RABGAP1L: variants seen among roughly 807,000 people sequenced by gnomAD.
The protein encoded by RABGAP1L is rab GTPase-activating protein 1-like.
Under a neutral mutation model 137.7 loss-of-function variants are expected in RABGAP1L, and 63 were observed. That is an observed-to-expected ratio of 0.46 (90% CI 0.37 to 0.56). The LOEUF (loss-of-function observed/expected upper bound fraction) is 0.56, where lower values mean the gene tolerates loss of function less well. Ranked by LOEUF, RABGAP1L falls within the 20% of genes least tolerant of loss-of-function variation. The probability of loss-of-function intolerance (pLI) is 0.00; values close to 1 mark genes in which losing one functional copy is unlikely to be tolerated. For synonymous variants in RABGAP1L, 431 were observed against 433.7 expected, an observed-to-expected ratio of 0.99 and a Z score of 0.08; for missense variants, 1,095 against 1,244.0, an observed-to-expected ratio of 0.88 and a Z score of 1.80.
intron 1 of RABGAP1L, among the ~76,000 whole-genome samples, chr1:174,214,092 C>T (rs981695325): frequency 6.6e-6 from 1 of 152,072 alleles, no homozygotes; most frequent in Non-Finnish European, 1.5e-5. Context: ...TTTGGAAAAA[C>T]CTAAAGACTC....
At chr1:174,573,604 A>G (rs1668153515) in intron 13 of RABGAP1L, among the ~76,000 whole-genome samples, 1 of 152,104 alleles carries the variant, frequency 6.6e-6, no homozygotes, top group Non-Finnish European at 1.5e-5. Context: ...GATTTGATCT[A>G]TTACTATGTT....
At chr1:174,530,643 T>C (rs958325821) in intron 13 of RABGAP1L, among the ~76,000 whole-genome samples, 1 of 152,194 alleles carries the variant, frequency 6.6e-6, no homozygotes, top group Non-Finnish European at 1.5e-5. Context: ...CCTCCCTTCC[T>C]TTCTCCTTGC....
chr1:174,234,844 A>C (rs1364966281), intron 4 of RABGAP1L, among the ~76,000 whole-genome samples: 2 of 146,606 alleles, frequency 1.4e-5, no homozygotes, highest in African/African-American at 5.2e-5. Context: ...TTGAATCTGT[A>C]AATTACCTTG....
chr1:174,707,380 G>A (rs1477118865), intron 17 of RABGAP1L, among the ~76,000 whole-genome samples: 2 of 152,162 alleles, frequency 1.3e-5, no homozygotes, highest in African/African-American at 4.8e-5. Context: ...CTAAGAACTG[G>A]ACCTAAAAGC....
At chr1:174,613,425 T>G (rs1019063913) in intron 13 of RABGAP1L, among the ~76,000 whole-genome samples, 3 of 152,172 alleles carry the variant, frequency 2.0e-5, no homozygotes, top group African/African-American at 7.2e-5. Flanking sequence ...TGAGAGACAG[T>G]TTGTTTTAAT....
intron 19 of RABGAP1L, among the ~76,000 whole-genome samples, chr1:174,921,178 C>A (rs1661729821): frequency 6.6e-6 from 1 of 152,142 alleles, no homozygotes. Flanking sequence ...CTGCCGCGGC[C>A]TCCCAGTGTG....
intron 13 of RABGAP1L, among the ~76,000 whole-genome samples, chr1:174,501,404 G>C (rs1382128188): frequency 6.6e-6 from 1 of 151,992 alleles, no homozygotes; most frequent in East Asian, 1.9e-4. Context: ...GGCCAGGCTG[G>C]TCTTGCACTC....
At chr1:174,635,219 C>G (rs971739690) in intron 13 of RABGAP1L, among the ~76,000 whole-genome samples, 1 of 152,032 alleles carries the variant, frequency 6.6e-6, no homozygotes, top group South Asian at 2.1e-4. Context: ...CTAGGGAATA[C>G]AGTCCAACGA....
chr1:174,722,631 A>C (rs778809468), intron 17 of RABGAP1L, among the ~76,000 whole-genome samples: 3 of 151,662 alleles, frequency 2.0e-5, no homozygotes, highest in Non-Finnish European at 2.9e-5. Context: ...TTATATTTTT[A>C]GTAGAGATGG....
chr1:174,796,028 C>T lies in RABGAP1L; in HGVS notation c.2212-15804C>T, dbSNP rs142964396. ...ATTTGCAGGGCCCCAGGCAGAGAAC[C>T]TAGGAGGATAGAGGGAATAAGTTTT... is the stretch of plus-strand genomic sequence containing the variant. On this transcript the variant is annotated intron_variant, in intron 18 of 25. Transcript: ENST00000681986. Among the ~76,000 whole-genome samples the T allele has an allele frequency of 5.6e-4, 85 of 152,266 alleles. 1 individual carries two copies. The highest frequency in any genetic ancestry group is 1.4e-3 in the Admixed American group (22 of 15,302).
Position 174,219,036 on chromosome 1 carries a change from C to T in RABGAP1L, c.-33-89C>T. 6 of 1,041,568 alleles carry T rather than the reference C, an allele frequency of 5.8e-6. No individual in the cohort carries two copies. In the South Asian group the frequency reaches 8.1e-5, roughly 14 times the overall value. 64.5% of individuals were successfully genotyped at this position (1,041,568 alleles called of 1,614,324 possible). A position where few individuals can be genotyped will look rare whatever the true frequency, so the allele number is the denominator to read the frequency against. Reference sequence around the variant, plus strand: ...CAGCAGGATTCTTCTTCACATAAACCATTTTTAAAGCTTTATTAGTTCATG... The same window carrying T: ...CAGCAGGATTCTTCTTCACATAAACTATTTTTAAAGCTTTATTAGTTCATG... On this transcript the variant is annotated intron_variant, in intron 1 of 25. Transcript: ENST00000681986.
intron 19 of RABGAP1L, among the ~76,000 whole-genome samples, chr1:174,878,558 ACTT>A (rs1653552260): frequency 6.6e-6 from 1 of 152,182 alleles, no homozygotes; most frequent in South Asian, 2.1e-4. Context: ...AATTGTAGTA[ACTT>A]CTTATTATAT....
chr1:174,463,836 G>A (rs540281614), intron 13 of RABGAP1L, among the ~76,000 whole-genome samples: 12 of 152,066 alleles, frequency 7.9e-5, no homozygotes, highest in African/African-American at 2.4e-4. Flanking sequence ...AACAGATGTT[G>A]GTGAGGTTGC....
chr1:174,275,775 TTAAAG>T (rs1336741031), intron 8 of RABGAP1L, 53 bp from the exon 9 acceptor site: 5 of 1,293,584 alleles, frequency 3.9e-6, no homozygotes, highest in Non-Finnish European at 5.5e-6. Context: ...AAGATGTAAT[TTAAAG>T]TAGTGATTTT....
At chr1:174,727,471 A>G (rs1182300251) in intron 17 of RABGAP1L, among the ~76,000 whole-genome samples, 1 of 152,206 alleles carries the variant, frequency 6.6e-6, no homozygotes, top group Non-Finnish European at 1.5e-5. Context: ...CTGCCCCCAC[A>G]GAATGCCTTT....
intron 18 of RABGAP1L, among the ~76,000 whole-genome samples, chr1:174,758,022 CAAAA>C (rs34002785): frequency 7.7e-6 from 1 of 130,142 alleles, no homozygotes. Flanking sequence ...GACTCCATCT[CAAAA>C]AAAAAAAAAA....
intron 19 of RABGAP1L, among the ~76,000 whole-genome samples, chr1:174,862,409 T>C (rs1324916769): frequency 6.6e-6 from 1 of 152,146 alleles, no homozygotes; most frequent in Non-Finnish European, 1.5e-5. Context: ...TTGTTAGTAG[T>C]AGTAATTGGG....
At chr1:174,450,638 C>T (rs961722479) in intron 13 of RABGAP1L, among the ~76,000 whole-genome samples, 33 of 151,838 alleles carry the variant, frequency 2.2e-4, no homozygotes, top group African/African-American at 7.7e-4. Flanking sequence ...TATTTTTTTG[C>T]CTGCTACATG....
chr1:174,546,489 A>G (rs1367883215), intron 13 of RABGAP1L, among the ~76,000 whole-genome samples: 7 of 152,192 alleles, frequency 4.6e-5, no homozygotes, highest in Admixed American at 4.6e-4. Flanking sequence ...TTTGTTGTTC[A>G]TATATTTTAG....
Sources: allele counts gnomAD v4.1 joint callset (sites outside exome capture counted in the v4.1 genomes callset), GRCh38; gene constraint gnomAD v4.1.1; transcripts MANE v1.5; gene names NCBI Gene and HGNC (gene_info 2026-07-23, HGNC 2026-07-21).